SCAPER: variants seen among roughly 807,000 people sequenced by gnomAD.
SCAPER encodes the protein S phase cyclin A-associated protein in the endoplasmic reticulum.
In SCAPER, 98 loss-of-function variants were observed where a neutral mutation model predicts 182.2. That is an observed-to-expected ratio of 0.54 (90% CI 0.46 to 0.64). The LOEUF is 0.64. Ranked by LOEUF, SCAPER falls within the 30% of genes least tolerant of loss-of-function variation. The pLI is 0.00. For missense variants in SCAPER, 1,432 were observed against 1,690.0 expected (o/e 0.85, Z 2.68); for synonymous variants, 605 against 564.6 (o/e 1.07, Z -1.01).
At chr15:76,815,865 C>A (rs951334901) in intron 5 of SCAPER, among the ~76,000 whole-genome samples, 2 of 152,122 alleles carry the variant, frequency 1.3e-5, no homozygotes, top group Non-Finnish European at 2.9e-5. Context: ...GTCCCTGGTG[C>A]CAAAAAGGTT....
chr15:76,460,083 T>C lies in SCAPER; in HGVS notation c.3078+11129A>G, dbSNP rs147360578. On this transcript the variant is annotated intron_variant, in intron 25 of 31. Transcript: ENST00000563290. ...TTTTGGTTACTGTGGCCTTGTAATA[T>C]ATGATTTTTTTTCTGTTTCTATGAA... is the stretch of plus-strand genomic sequence containing the variant. Among the ~76,000 whole-genome samples, 206 of 152,266 alleles carry C rather than the reference T, an allele frequency of 1.4e-3. 3 individuals carry two copies. In the East Asian group the frequency reaches 0.034, roughly 25 times the overall value.
chr15:76,733,523 C>T (rs777225784), intron 15 of SCAPER, 139 bp from the exon 16 acceptor site: 44 of 942,516 alleles, frequency 4.7e-5, no homozygotes, highest in East Asian at 1.1e-4. Context: ...CTGAGGAAGG[C>T]GGATCACCTG....
chr15:76,661,875 T>C (rs968094741), intron 21 of SCAPER, among the ~76,000 whole-genome samples: 4 of 152,332 alleles, frequency 2.6e-5, no homozygotes, highest in Admixed American at 6.5e-5. Context: ...TAAAGATACA[T>C]GGACACTTAT....
chr15:76,408,348 G>A (rs2045018568), intron 26 of SCAPER, among the ~76,000 whole-genome samples: 1 of 152,084 alleles, frequency 6.6e-6, no homozygotes. Flanking sequence ...GGTTCTAGAG[G>A]TCTGACTGGA....
At chr15:76,562,586 T>C (rs183815982) in intron 23 of SCAPER, among the ~76,000 whole-genome samples, 2 of 152,254 alleles carry the variant, frequency 1.3e-5, no homozygotes, top group East Asian at 3.9e-4. Flanking sequence ...ACTGTCTACC[T>C]ACAAAAGTAG....
chr15:76,646,221 C>T (rs1261362081), intron 21 of SCAPER, among the ~76,000 whole-genome samples: 4 of 152,162 alleles, frequency 2.6e-5, no homozygotes, highest in South Asian at 2.1e-4. Flanking sequence ...GCACGTGGAA[C>T]CCACAGATAC....
chr15:76,600,009 A>G (rs2145775145), intron 22 of SCAPER, among the ~76,000 whole-genome samples: 1 of 121,680 alleles, frequency 8.2e-6, no homozygotes, highest in East Asian at 2.2e-4. Flanking sequence ...GATGTATGCA[A>G]TTTACTTTCA....
intron 29 of SCAPER, among the ~76,000 whole-genome samples, chr15:76,362,217 C>T (rs915357437): frequency 3.3e-5 from 5 of 151,944 alleles, no homozygotes; most frequent in Non-Finnish European, 1.5e-5. Flanking sequence ...AGGTGATCCA[C>T]CCGCCTCGGC....
chr15:76,819,053 T>C (rs1452223163), intron 5 of SCAPER, among the ~76,000 whole-genome samples: 2 of 152,188 alleles, frequency 1.3e-5, no homozygotes, highest in African/African-American at 4.8e-5. Context: ...GCACCCACCA[T>C]TGCCAAGACT....
intron 20 of SCAPER, among the ~76,000 whole-genome samples, chr15:76,691,230 G>GA (rs1460923505): frequency 6.6e-6 from 1 of 151,646 alleles, no homozygotes; most frequent in Non-Finnish European, 1.5e-5. Flanking sequence ...GATATAATTG[G>GA]AAAAAAATTA....
rs370242013 is a variant in SCAPER, at chr15:76,458,342, A to G, written c.3078+12870T>C. Among the ~76,000 whole-genome samples, 5 of 152,184 alleles carry G rather than the reference A, an allele frequency of 3.3e-5. No homozygotes were observed. In the East Asian group the frequency reaches 5.8e-4, roughly 18 times the overall value. On this transcript the variant is annotated intron_variant, in intron 25 of 31. Coordinates refer to ENST00000563290, the MANE Select transcript of SCAPER (RefSeq NM_020843.4). ...TATGTAGAGAGAGAAAATCATATATAGAGAGAGAATATTTTGAAAGTGTAT... is the reference window on the plus strand; with the variant it reads ...TATGTAGAGAGAGAAAATCATATATGGAGAGAGAATATTTTGAAAGTGTAT...
intron 21 of SCAPER, among the ~76,000 whole-genome samples, chr15:76,644,990 G>T (rs1419780118): frequency 6.6e-6 from 1 of 151,780 alleles, no homozygotes; most frequent in East Asian, 1.9e-4. Flanking sequence ...ACCAACTGTG[G>T]ATCAAAAATA....
At chr15:76,517,153 G>A (rs148498279) in intron 23 of SCAPER, among the ~76,000 whole-genome samples, 32 of 151,766 alleles carry the variant, frequency 2.1e-4, no homozygotes, top group African/African-American at 7.0e-4. Context: ...TTTGACTTTT[G>A]GGACCCTTAT....
chr15:76,468,295 A>C (rs1005103646), intron 25 of SCAPER, among the ~76,000 whole-genome samples: 20 of 152,108 alleles, frequency 1.3e-4, no homozygotes, highest in Non-Finnish European at 2.9e-4. Context: ...GGAATGAAAA[A>C]ACTCAGAAAG....
chr15:76,555,765 C>T (rs776903148), intron 23 of SCAPER, among the ~76,000 whole-genome samples: 4 of 152,048 alleles, frequency 2.6e-5, no homozygotes, highest in South Asian at 2.1e-4. Flanking sequence ...TAGAAAGAAA[C>T]TTACATAATA....
At chr15:76,583,914 C>A (rs1392032757) in intron 22 of SCAPER, among the ~76,000 whole-genome samples, 1 of 152,166 alleles carries the variant, frequency 6.6e-6, no homozygotes, top group African/African-American at 2.4e-5. Flanking sequence ...AGCAATCCCA[C>A]TGGTGGGTAT....
At chr15:76,445,025 G>A (rs2047897471) in intron 25 of SCAPER, among the ~76,000 whole-genome samples, 1 of 152,014 alleles carries the variant, frequency 6.6e-6, no homozygotes, top group South Asian at 2.1e-4. Flanking sequence ...AGTGGTTTCT[G>A]GTCACATGGA....
chr15:76,585,511 A>T (rs989145352), intron 22 of SCAPER, among the ~76,000 whole-genome samples: 1 of 152,154 alleles, frequency 6.6e-6, no homozygotes, highest in African/African-American at 2.4e-5. Flanking sequence ...CATGTAACTA[A>T]ATATGCAGCC....
intron 1 of SCAPER, among the ~76,000 whole-genome samples, chr15:76,898,293 T>C (rs1382386846): frequency 6.6e-6 from 1 of 152,184 alleles, no homozygotes; most frequent in African/African-American, 2.4e-5. Flanking sequence ...CCTGACACAC[T>C]GCAGTGGAAA....
Sources: gnomAD v4.1 joint callset for allele counts (sites outside exome capture counted in the v4.1 genomes callset) on GRCh38, gnomAD v4.1.1 for gene constraint, MANE v1.5 for transcripts, NCBI Gene and HGNC (gene_info 2026-07-23, HGNC 2026-07-21) for gene names.